RIMS2: variants seen among roughly 807,000 people sequenced by gnomAD.
RIMS2 encodes regulating synaptic membrane exocytosis protein 2.
Under a neutral mutation model 174.4 loss-of-function variants are expected in RIMS2, and 59 were observed. That is an observed-to-expected ratio of 0.34 (90% CI 0.27 to 0.42). RIMS2 has a LOEUF of 0.42. Among genes scored for constraint, RIMS2 ranks in the 10% least tolerant of loss-of-function variants. The pLI is 1.00. For missense variants in RIMS2, 1,620 were observed against 1,666.3 expected (o/e 0.97, Z 0.48); for synonymous variants, 606 against 572.5 (o/e 1.06, Z -0.84).
chr8:103,985,692 T>A (rs2154549789), intron 16 of RIMS2, among the ~76,000 whole-genome samples: 1 of 152,096 alleles, frequency 6.6e-6, no homozygotes, highest in East Asian at 1.9e-4. Context: ...CATTGCAACG[T>A]TAGCCACAAC....
At chr8:103,888,768 A>G (rs1352614124) in intron 4 of RIMS2, among the ~76,000 whole-genome samples, 1 of 151,640 alleles carries the variant, frequency 6.6e-6, no homozygotes, top group Non-Finnish European at 1.5e-5. Context: ...AAACTAAAAC[A>G]TTTATCAAAT....
chr8:103,600,739 G>A (rs1202893535), intron 1 of RIMS2, among the ~76,000 whole-genome samples: 3 of 152,138 alleles, frequency 2.0e-5, no homozygotes, highest in African/African-American at 4.8e-5. Flanking sequence ...TCATATGGTA[G>A]CTCAACATTT....
At chr8:103,916,453 G>C (rs746446826) in exon 8 of RIMS2, 3 of 1,609,852 alleles carry the variant, frequency 1.9e-6, no homozygotes, top group Non-Finnish European at 2.5e-6. Context: ...CTACTGCAAG[G>C]AGCCACATTT....
intron 19 of RIMS2, among the ~76,000 whole-genome samples, chr8:104,133,430 G>A (rs1258157450): frequency 6.6e-6 from 1 of 152,158 alleles, no homozygotes; most frequent in Non-Finnish European, 1.5e-5. Context: ...GCACAAGAAA[G>A]AGAGGATAGG....
chr8:104,043,089 A>C (rs935131554), intron 19 of RIMS2, among the ~76,000 whole-genome samples: 1 of 151,622 alleles, frequency 6.6e-6, no homozygotes, highest in African/African-American at 2.4e-5. Context: ...ATTCCAGAGA[A>C]GACAAATATG....
At chr8:103,983,907 C>T (rs2154549548) in intron 16 of RIMS2, among the ~76,000 whole-genome samples, 1 of 152,250 alleles carries the variant, frequency 6.6e-6, no homozygotes, top group South Asian at 2.1e-4. Flanking sequence ...GGCACAGTGG[C>T]TCGCGCCTGT....
chr8:104,166,767 C>A (rs1394274639), intron 19 of RIMS2, among the ~76,000 whole-genome samples: 1 of 151,606 alleles, frequency 6.6e-6, no homozygotes, highest in Non-Finnish European at 1.5e-5. Context: ...TAAATATACT[C>A]TATAAATATA....
chr8:103,775,481 A>G (rs1329278399), intron 3 of RIMS2, among the ~76,000 whole-genome samples: 1 of 152,126 alleles, frequency 6.6e-6, no homozygotes, highest in Non-Finnish European at 1.5e-5. Flanking sequence ...TTTAGAATAC[A>G]GGTGAAACAA....
At chr8:103,711,672 G>T (rs1430907128) in intron 2 of RIMS2, among the ~76,000 whole-genome samples, 1 of 152,066 alleles carries the variant, frequency 6.6e-6, no homozygotes, top group African/African-American at 2.4e-5. Flanking sequence ...AGGTGGGGTG[G>T]ATTTCTTGAG....
At chr8:103,981,192 G>A (rs1319503596) in intron 16 of RIMS2, among the ~76,000 whole-genome samples, 1 of 152,074 alleles carries the variant, frequency 6.6e-6, no homozygotes, top group African/African-American at 2.4e-5. Context: ...CCACAGGGGT[G>A]CTTGCATCAC....
At chr8:103,792,256 G>T (rs544105020) in intron 3 of RIMS2, among the ~76,000 whole-genome samples, 1 of 152,172 alleles carries the variant, frequency 6.6e-6, no homozygotes, top group Non-Finnish European at 1.5e-5. Flanking sequence ...TAGGACTCAG[G>T]ATTAAGAAAC....
rs188728547 is a variant in RIMS2 at position 103,974,017 on chromosome 8, A to G, written c.2771-1333A>G. Among the ~76,000 whole-genome samples the G allele has an allele frequency of 1.9e-3, 294 of 152,270 alleles. 2 individuals carry two copies. The highest frequency in any genetic ancestry group is 6.9e-3 in the African/African-American group (287 of 41,566). On this transcript the variant is annotated intron_variant, in intron 15 of 23. Transcript: ENST00000504942. ...AGTGAATGGCTAACACAGGAGTACA[A>G]AAATCCAGGCCTCTTACCTCAAAGT... is the stretch of plus-strand genomic sequence containing the variant.
chr8:103,612,334 T>G (rs1226166141), intron 1 of RIMS2, among the ~76,000 whole-genome samples: 4 of 152,188 alleles, frequency 2.6e-5, no homozygotes, highest in Non-Finnish European at 5.9e-5. Context: ...TCTGGATGGT[T>G]TTGATGCTTG....
chr8:103,537,971 G>T (rs1306898132), intron 1 of RIMS2, among the ~76,000 whole-genome samples: 3 of 151,976 alleles, frequency 2.0e-5, no homozygotes, highest in African/African-American at 7.3e-5. Context: ...GAATTTTCTG[G>T]CCAACACAGT....
rs2096616862 is a variant in RIMS2, at chr8:103,662,674, CTATCTAT to C, written c.177-34411_177-34405del. Among the ~76,000 whole-genome samples, 253 of 40,992 alleles carry C rather than the reference CTATCTAT, an allele frequency of 6.2e-3. 1 individual carries two copies. The highest frequency in any genetic ancestry group is 0.02 in the African/African-American group (240 of 12,006). 26.9% of individuals were successfully genotyped at this position (40,992 alleles called of 152,430 possible). A position where few individuals can be genotyped will look rare whatever the true frequency, so the allele number is the denominator to read the frequency against. On this transcript the variant is annotated intron_variant, in intron 1 of 23. Coordinates refer to ENST00000504942, the Ensembl canonical transcript of RIMS2. ...CTTTTCCCTTTGGAGTCAGAAGAGTCTATCTATCTATCTATCTATCTATCTATCTATC... is the reference window on the plus strand; with the variant it reads ...CTTTTCCCTTTGGAGTCAGAAGAGTCCTATCTATCTATCTATCTATCTATC...
At chr8:104,054,770 T>A (rs1299555110) in intron 19 of RIMS2, among the ~76,000 whole-genome samples, 1 of 152,134 alleles carries the variant, frequency 6.6e-6, no homozygotes, top group Non-Finnish European at 1.5e-5. Context: ...GTATCAAAAA[T>A]TTTATTTTTC....
chr8:103,891,623 G>A (rs2099246177), intron 4 of RIMS2, among the ~76,000 whole-genome samples: 1 of 151,964 alleles, frequency 6.6e-6, no homozygotes, highest in African/African-American at 2.4e-5. Flanking sequence ...ATTTTTACCT[G>A]GTAGTTGCAG....
chr8:104,051,461 G>A (rs2096784673), intron 19 of RIMS2, among the ~76,000 whole-genome samples: 1 of 151,948 alleles, frequency 6.6e-6, no homozygotes, highest in African/African-American at 2.4e-5. Flanking sequence ...TAGAGTAAAG[G>A]GGTGAGAATT....
At chr8:104,094,147 T>A (rs1166571444) in intron 19 of RIMS2, among the ~76,000 whole-genome samples, 1 of 152,014 alleles carries the variant, frequency 6.6e-6, no homozygotes. Flanking sequence ...ATTTCTTACT[T>A]GTCCTATAGA....
Sources: allele counts gnomAD v4.1 joint callset (sites outside exome capture counted in the v4.1 genomes callset), GRCh38; gene constraint gnomAD v4.1.1; transcripts MANE v1.5; gene names NCBI Gene and HGNC (gene_info 2026-07-23, HGNC 2026-07-21).